The following ZMAT4 variants were observed in gnomAD, a reference collection of about 807,000 sequenced individuals.
The protein encoded by ZMAT4 is zinc finger matrin-type protein 4.
In ZMAT4, 17 loss-of-function variants were observed where a neutral mutation model predicts 28.7. That is an observed-to-expected ratio of 0.59 (90% CI 0.41 to 0.89). The LOEUF is 0.89. Ranked by LOEUF, ZMAT4 falls within the 40% of genes least tolerant of loss-of-function variation. The probability of loss-of-function intolerance (pLI) is 0.00; values close to 1 mark genes in which losing one functional copy is unlikely to be tolerated. For missense variants in ZMAT4, 240 were observed against 283.8 expected, an observed-to-expected ratio of 0.85 and a Z score of 1.11; for synonymous variants, 117 against 109.2, an observed-to-expected ratio of 1.07 and a Z score of -0.44.
intron 6 of ZMAT4, among the ~76,000 whole-genome samples, chr8:40,534,628 C>T (rs574518092): frequency 5.4e-4 from 81 of 150,638 alleles, no homozygotes; most frequent in Middle Eastern, 3.5e-3. Context: ...TATGAAACCA[C>T]AAACATGATG....
chr8:40,533,315 G>A (rs1307296640), intron 6 of ZMAT4, among the ~76,000 whole-genome samples: 2 of 152,158 alleles, frequency 1.3e-5, no homozygotes, highest in Admixed American at 1.3e-4. Context: ...GGAGGTGAGA[G>A]AGCTTGTTGA....
At chr8:40,892,498 A>C (rs1345916653) in intron 1 of ZMAT4, among the ~76,000 whole-genome samples, 1 of 152,242 alleles carries the variant, frequency 6.6e-6, no homozygotes, top group Non-Finnish European at 1.5e-5. Context: ...GCACTCAATA[A>C]ATATTGCTTA....
intron 1 of ZMAT4, among the ~76,000 whole-genome samples, chr8:40,870,955 T>C (rs1311408924): frequency 1.3e-5 from 2 of 152,290 alleles, no homozygotes; most frequent in East Asian, 3.9e-4. Context: ...TGCATGTACA[T>C]CACTCTTCTC....
At chr8:40,773,297 T>C (rs1813458599) in intron 2 of ZMAT4, among the ~76,000 whole-genome samples, 1 of 152,194 alleles carries the variant, frequency 6.6e-6, no homozygotes, top group Admixed American at 6.5e-5. Flanking sequence ...ACTCCTCTGC[T>C]GGAAGACCCC....
At chr8:40,853,467 A>C (rs565790464) in intron 1 of ZMAT4, among the ~76,000 whole-genome samples, 64 of 152,246 alleles carry the variant, frequency 4.2e-4, no homozygotes, top group Admixed American at 3.8e-3. Context: ...ATGGCAGGAG[A>C]ATCTCTTGAA....
chr8:40,875,140 A>G (rs542208507), intron 1 of ZMAT4, among the ~76,000 whole-genome samples: 2 of 152,300 alleles, frequency 1.3e-5, no homozygotes, highest in Admixed American at 6.5e-5. Flanking sequence ...CTCTCTGTCT[A>G]TTCCTGGCCT....
intron 1 of ZMAT4, among the ~76,000 whole-genome samples, chr8:40,828,453 T>C (rs555442471): frequency 6.6e-6 from 1 of 152,020 alleles, no homozygotes; most frequent in Non-Finnish European, 1.5e-5. Flanking sequence ...TGAAAGGATA[T>C]TCAAGGTACG....
At chr8:40,858,176 A>G (rs1019306925) in intron 1 of ZMAT4, among the ~76,000 whole-genome samples, 8 of 152,256 alleles carry the variant, frequency 5.3e-5, no homozygotes, top group Admixed American at 5.2e-4. Flanking sequence ...ACACGAGAAG[A>G]CATGAAAACG....
At chr8:40,648,973 C>A (rs1351600871) in intron 5 of ZMAT4, among the ~76,000 whole-genome samples, 1 of 142,844 alleles carries the variant, frequency 7.0e-6, no homozygotes, top group East Asian at 2.1e-4. Flanking sequence ...CAAAATCATG[C>A]CAAAATGTAA....
chr8:40,890,242 C>G (rs143957784), intron 1 of ZMAT4, among the ~76,000 whole-genome samples: 1 of 152,208 alleles, frequency 6.6e-6, no homozygotes, highest in East Asian at 1.9e-4. Flanking sequence ...CCATTCCCCA[C>G]GTCTCACGAA....
intron 3 of ZMAT4, among the ~76,000 whole-genome samples, chr8:40,703,217 T>A (rs937297311): frequency 2.0e-5 from 3 of 152,174 alleles, no homozygotes; most frequent in Non-Finnish European, 4.4e-5. Context: ...AAATGAGAAC[T>A]GAATGTATTT....
At chr8:40,702,836 G>C (rs1402505916) in intron 3 of ZMAT4, among the ~76,000 whole-genome samples, 1 of 152,146 alleles carries the variant, frequency 6.6e-6, no homozygotes, top group Non-Finnish European at 1.5e-5. Context: ...CAGAAGGAGA[G>C]AGAGAAAATT....
chr8:40,858,344 C>T (rs1817370166), intron 1 of ZMAT4, among the ~76,000 whole-genome samples: 2 of 152,088 alleles, frequency 1.3e-5, no homozygotes, highest in Non-Finnish European at 2.9e-5. Context: ...CTTTTGCCTC[C>T]TATTAGACCA....
At chr8:40,812,221 G>C (rs1361792886) in intron 2 of ZMAT4, among the ~76,000 whole-genome samples, 1 of 152,112 alleles carries the variant, frequency 6.6e-6, no homozygotes, top group Admixed American at 6.5e-5. Context: ...AGAAGGACTG[G>C]AGTGACTTTG....
At chr8:40,568,694 T>C (rs1246346898) in intron 6 of ZMAT4, among the ~76,000 whole-genome samples, 1 of 152,170 alleles carries the variant, frequency 6.6e-6, no homozygotes, top group African/African-American at 2.4e-5. Context: ...AACTATTACA[T>C]TTCACAGATA....
intron 5 of ZMAT4, among the ~76,000 whole-genome samples, chr8:40,613,364 T>G (rs1016083888): frequency 1.3e-5 from 2 of 151,454 alleles, no homozygotes; most frequent in Non-Finnish European, 1.5e-5. Flanking sequence ...TTTTGTATTT[T>G]TAGTAGATGG....
chr8:40,846,595 G>A (rs1020692892), intron 1 of ZMAT4, among the ~76,000 whole-genome samples: 1 of 152,154 alleles, frequency 6.6e-6, no homozygotes, highest in African/African-American at 2.4e-5. Flanking sequence ...CCACGGCAGC[G>A]TCGTTCCACC....
intron 2 of ZMAT4, among the ~76,000 whole-genome samples, chr8:40,802,469 T>A (rs967858467): frequency 1.3e-5 from 2 of 152,078 alleles, no homozygotes; most frequent in Non-Finnish European, 2.9e-5. Context: ...ATACTATGAA[T>A]GTTAGCACAC....
intron 6 of ZMAT4, among the ~76,000 whole-genome samples, chr8:40,577,448 C>T (rs1804305071): frequency 2.0e-5 from 3 of 152,132 alleles, no homozygotes; most frequent in Admixed American, 2.0e-4. Context: ...CACATCTTCT[C>T]ACTCATATGA....
Sources: gnomAD v4.1 joint callset for allele counts (sites outside exome capture counted in the v4.1 genomes callset) on GRCh38, gnomAD v4.1.1 for gene constraint, MANE v1.5 for transcripts, NCBI Gene and HGNC (gene_info 2026-07-23, HGNC 2026-07-21) for gene names.